The following COL13A1 variants were observed in gnomAD, a reference collection of about 807,000 sequenced individuals.
COL13A1 encodes collagen alpha-1(XIII) chain.
Under a neutral mutation model 130.9 loss-of-function variants are expected in COL13A1, and 89 were observed. The observed-to-expected ratio is 0.68, with a 90% CI of 0.57 to 0.81. The LOEUF (loss-of-function observed/expected upper bound fraction) is 0.81, where lower values mean the gene tolerates loss of function less well. Ranked by LOEUF, COL13A1 falls within the 30% of genes least tolerant of loss-of-function variation. COL13A1 has a pLI of 0.00. For missense variants in COL13A1, 879 were observed against 934.6 expected, an observed-to-expected ratio of 0.94 and a Z score of 0.78; for synonymous variants, 402 against 341.6, an observed-to-expected ratio of 1.18 and a Z score of -1.95.
intron 36 of COL13A1, among the ~76,000 whole-genome samples, chr10:69,944,995 T>C (rs3843585): frequency 0.43 from 64,749 of 152,196 alleles, 13,897 homozygotes; most frequent in Middle Eastern, 0.49. Flanking sequence ...TTGCAGTTCC[T>C]GGCCTGTCCT....
intron 38 of COL13A1, 64 bp from the exon 39 acceptor site, chr10:69,952,818 C>A: frequency 8.7e-7 from 1 of 1,144,802 alleles, no homozygotes; most frequent in Non-Finnish European, 1.2e-6. Flanking sequence ...CTGTCTTCAA[C>A]CTTAACACAT....
chr10:69,885,147 G>T (rs1174661982), intron 7 of COL13A1, among the ~76,000 whole-genome samples: 1 of 152,158 alleles, frequency 6.6e-6, no homozygotes, highest in African/African-American at 2.4e-5. Context: ...AACTGGGGAA[G>T]GCCCTTTTAA....
chr10:69,808,523 G>A (rs551266818), intron 1 of COL13A1, among the ~76,000 whole-genome samples: 8 of 152,294 alleles, frequency 5.3e-5, no homozygotes, highest in East Asian at 1.9e-4. Context: ...GGTAGGCCTC[G>A]GAATCCTTCT....
intron 1 of COL13A1, among the ~76,000 whole-genome samples, chr10:69,813,232 C>G (rs959632658): frequency 3.9e-5 from 6 of 152,144 alleles, no homozygotes; most frequent in Admixed American, 2.0e-4. Context: ...CTAGAGATGA[C>G]CCCTGGACCC....
chr10:69,880,431 C>T, intron 6 of COL13A1, 72 bp from the exon 7 acceptor site: 1 of 897,472 alleles, frequency 1.1e-6, no homozygotes, highest in Admixed American at 1.9e-5. Flanking sequence ...CCTTTGGTTC[C>T]TCTCTTTCCC....
intron 2 of COL13A1, among the ~76,000 whole-genome samples, chr10:69,844,480 G>A (rs1161042604): frequency 6.6e-6 from 1 of 152,208 alleles, no homozygotes; most frequent in Non-Finnish European, 1.5e-5. Context: ...CAAACATAAG[G>A]TGGTCTAACT....
At chr10:69,839,377 T>C (rs1181610306) in intron 2 of COL13A1, among the ~76,000 whole-genome samples, 3 of 152,090 alleles carry the variant, frequency 2.0e-5, no homozygotes, top group Non-Finnish European at 2.9e-5. Flanking sequence ...GAAAATAAAT[T>C]AAGACAATTT....
At chr10:69,813,133 T>C (rs1434503625) in intron 1 of COL13A1, among the ~76,000 whole-genome samples, 1 of 152,186 alleles carries the variant, frequency 6.6e-6, no homozygotes, top group Non-Finnish European at 1.5e-5. Flanking sequence ...TACCCATTTG[T>C]GAAAGGCAGG....
At chr10:69,850,501 A>G (rs1854459716) in intron 2 of COL13A1, among the ~76,000 whole-genome samples, 1 of 150,320 alleles carries the variant, frequency 6.7e-6, no homozygotes, top group South Asian at 2.1e-4. Flanking sequence ...GCACATGTCT[A>G]ATGCAGGGGC....
At chr10:69,824,455 C>T (rs1275687839) in intron 2 of COL13A1, among the ~76,000 whole-genome samples, 1 of 152,124 alleles carries the variant, frequency 6.6e-6, no homozygotes, top group Non-Finnish European at 1.5e-5. Context: ...AATATTGTGC[C>T]TCAGAAAGTC....
intron 32 of COL13A1, among the ~76,000 whole-genome samples, chr10:69,936,102 G>A (rs183495781): frequency 4.1e-4 from 30 of 72,382 alleles, no homozygotes; most frequent in African/African-American, 1.8e-3. Flanking sequence ...GGAGGGAAGG[G>A]AGGAAGGAAG....
intron 1 of COL13A1, among the ~76,000 whole-genome samples, chr10:69,816,483 G>T (rs549691885): frequency 1.1e-4 from 16 of 152,026 alleles, no homozygotes; most frequent in African/African-American, 3.9e-4. Context: ...GGTATAGGTT[G>T]GAGGGCGTCA....
intron 2 of COL13A1, among the ~76,000 whole-genome samples, chr10:69,826,178 C>T (rs968742975): frequency 2.0e-5 from 3 of 152,180 alleles, no homozygotes; most frequent in Non-Finnish European, 1.5e-5. Context: ...TATAGTCTAG[C>T]CAGCGAGGAA....
intron 1 of COL13A1, among the ~76,000 whole-genome samples, chr10:69,816,740 G>T (rs1357090768): frequency 6.6e-6 from 1 of 152,136 alleles, no homozygotes; most frequent in Non-Finnish European, 1.5e-5. Flanking sequence ...GGTGAGCAAA[G>T]GCTGCAGCCT....
At chr10:69,832,039 T>C (rs1306040858) in intron 2 of COL13A1, among the ~76,000 whole-genome samples, 6 of 152,192 alleles carry the variant, frequency 3.9e-5, no homozygotes, top group Non-Finnish European at 7.3e-5. Context: ...GACATGGGGC[T>C]GTGAGGAGAG....
intron 14 of COL13A1, 70 bp downstream of exon 14, chr10:69,898,832 A>G: frequency 8.3e-7 from 1 of 1,206,542 alleles, no homozygotes; most frequent in Non-Finnish European, 1.2e-6. Context: ...CTGGGGCTGC[A>G]GACAAAGCCA....
intron 3 of COL13A1, among the ~76,000 whole-genome samples, chr10:69,871,020 G>A (rs1389774011): frequency 6.6e-6 from 1 of 152,074 alleles, no homozygotes; most frequent in Non-Finnish European, 1.5e-5. Context: ...TAAGCAAATT[G>A]CCCCTTCTGT....
At chr10:69,925,946 C>A in intron 26 of COL13A1, 74 bp downstream of exon 26, 1 of 1,288,166 alleles carries the variant, frequency 7.8e-7, no homozygotes, top group Non-Finnish European at 1.1e-6. Context: ...ATCAGGGGGC[C>A]CTTCCACACA....
intron 31 of COL13A1, among the ~76,000 whole-genome samples, chr10:69,935,090 CCAAGAAAAA>C (rs1356500661): frequency 6.8e-6 from 1 of 147,890 alleles, no homozygotes; most frequent in Non-Finnish European, 1.5e-5. Flanking sequence ...TTTTTTTTTT[CCAAGAAAAA>C]TCTGGAAGAA....
Sources: allele counts gnomAD v4.1 joint callset (sites outside exome capture counted in the v4.1 genomes callset), GRCh38; gene constraint gnomAD v4.1.1; transcripts MANE v1.5; gene names NCBI Gene and HGNC (gene_info 2026-07-23, HGNC 2026-07-21).